The following SLC25A48 variants were observed in gnomAD, a reference collection of about 807,000 sequenced individuals.
SLC25A48 encodes the protein CTC-321K16.1.
SLC25A48 carries 29 observed loss-of-function variants against 32.2 expected under a neutral mutation model. The observed-to-expected ratio is 0.90, with a 90% CI of 0.67 to 1.23. The LOEUF (loss-of-function observed/expected upper bound fraction) is 1.23. Ranked by LOEUF, SLC25A48 falls within the 50% of genes most tolerant of loss-of-function variation. The pLI is 0.00. For missense variants in SLC25A48, 399 were observed against 422.7 expected, an observed-to-expected ratio of 0.94 and a Z score of 0.49; for synonymous variants, 164 against 172.3, an observed-to-expected ratio of 0.95 and a Z score of 0.38.
chr5:135,794,799 A>G (rs1490768751), intron 3 of SLC25A48, among the ~76,000 whole-genome samples: 3 of 151,664 alleles, frequency 2.0e-5, no homozygotes, highest in Non-Finnish European at 4.4e-5. Context: ...TGCAGGGGGT[A>G]GACACTCCCC....
At chr5:135,884,432 T>C (rs1762648830) in intron 7 of SLC25A48, among the ~76,000 whole-genome samples, 2 of 152,288 alleles carry the variant, frequency 1.3e-5, no homozygotes, top group South Asian at 4.2e-4. Flanking sequence ...CAAGTTACTG[T>C]TCAAGCTGCC....
intron 4 of SLC25A48, among the ~76,000 whole-genome samples, chr5:135,853,633 T>C (rs1760077060): frequency 6.6e-6 from 1 of 152,224 alleles, no homozygotes; most frequent in Non-Finnish European, 1.5e-5. Context: ...ATTCTAGTTC[T>C]CTTGCTTTCT....
At position 135,704,507 on chromosome 5, in the gene SLC25A48, G is replaced by C. The variant is rs575589793; in HGVS notation, c.-521+69551G>C. Among the ~76,000 whole-genome samples the C allele has an allele frequency of 5.3e-5, 8 of 152,358 alleles. No individual in the cohort carries two copies. The South Asian group carries it at 1.7e-3, about 32-fold the overall frequency. ...TCAGACTTGAGATTTCTGACTTCCA[G>C]ATCAGTGCTATTTGGCCAGTTACTT... On this transcript the variant is annotated intron_variant, in intron 3 of 10. Coordinates refer to the SLC25A48 transcript ENST00000646290.
intron 3 of SLC25A48, among the ~76,000 whole-genome samples, chr5:135,800,096 C>T (rs1177499733): frequency 6.6e-6 from 1 of 151,384 alleles, no homozygotes; most frequent in Non-Finnish European, 1.5e-5. Flanking sequence ...TTTCTAATAC[C>T]CAGGTGGAAA....
intron 7 of SLC25A48, 53 bp from the exon 8 acceptor site, chr5:135,887,979 T>G: frequency 2.0e-6 from 3 of 1,527,878 alleles, no homozygotes; most frequent in Non-Finnish European, 8.9e-7. Flanking sequence ...TTTTTCTGGT[T>G]TCTGTTCTTT....
intron 3 of SLC25A48, among the ~76,000 whole-genome samples, chr5:135,774,239 G>A (rs1756491476): frequency 6.6e-6 from 1 of 151,636 alleles, no homozygotes. Context: ...TCATATCCAG[G>A]GAGGAAGAAA....
At chr5:135,613,168 G>T (rs1005334990) in intron 1 of SLC25A48, among the ~76,000 whole-genome samples, 1 of 152,118 alleles carries the variant, frequency 6.6e-6, no homozygotes, top group Non-Finnish European at 1.5e-5. Context: ...TTTCCCTGGT[G>T]ATTAGTGATG....
At chr5:135,839,211 G>A (rs2126692965) in intron 1 of SLC25A48, among the ~76,000 whole-genome samples, 1 of 152,350 alleles carries the variant, frequency 6.6e-6, no homozygotes, top group South Asian at 2.1e-4. Context: ...ACTCCTGGGA[G>A]ACACTCATGC....
intron 3 of SLC25A48, among the ~76,000 whole-genome samples, chr5:135,660,457 A>T (rs1753371025): frequency 6.6e-6 from 1 of 152,170 alleles, no homozygotes; most frequent in Admixed American, 6.5e-5. Flanking sequence ...TAGTGTCCTA[A>T]GCCCTCTGCC....
chr5:135,789,295 G>C (rs541320429), intron 3 of SLC25A48, among the ~76,000 whole-genome samples: 2 of 88,428 alleles, frequency 2.3e-5, no homozygotes, highest in Non-Finnish European at 5.5e-5. Context: ...CATATGTTTC[G>C]TAATATCCAA....
At chr5:135,723,428 C>T (rs2126984976) in intron 3 of SLC25A48, among the ~76,000 whole-genome samples, 1 of 94,274 alleles carries the variant, frequency 1.1e-5, no homozygotes, top group African/African-American at 3.0e-5. Flanking sequence ...GGGAGGGGGA[C>T]AGCTCTAGGG....
intron 3 of SLC25A48, among the ~76,000 whole-genome samples, chr5:135,767,285 A>G (rs7378516): frequency 0.31 from 46,549 of 151,424 alleles, 7,306 homozygotes; most frequent in East Asian, 0.46. Flanking sequence ...AATGTCCAGA[A>G]GGCGAGAGGA....
intron 3 of SLC25A48, among the ~76,000 whole-genome samples, chr5:135,796,618 A>G (rs1757187527): frequency 6.8e-6 from 1 of 146,908 alleles, no homozygotes; most frequent in Admixed American, 7.0e-5. Flanking sequence ...GAAGTGTGTT[A>G]TGGTTCGTAA....
intron 4 of SLC25A48, chr5:135,827,171 G>A (rs1758081905): frequency 6.6e-6 from 1 of 152,156 alleles, no homozygotes; most frequent in African/African-American, 2.4e-5. Flanking sequence ...AAATCCTTTA[G>A]TGCCAGCCAC....
chr5:135,679,453 T>A (rs1340514711), intron 3 of SLC25A48, among the ~76,000 whole-genome samples: 1 of 152,160 alleles, frequency 6.6e-6, no homozygotes, highest in Non-Finnish European at 1.5e-5. Flanking sequence ...CAGCTGTACT[T>A]CAGCCCTGCT....
chr5:135,712,030 C>T (rs1381835266), intron 3 of SLC25A48, among the ~76,000 whole-genome samples: 8 of 152,082 alleles, frequency 5.3e-5, no homozygotes, highest in East Asian at 1.9e-4. Flanking sequence ...AAACTTCCCA[C>T]GTCTTTGTTG....
chr5:135,869,430 C>T (rs1003745293), intron 4 of SLC25A48, among the ~76,000 whole-genome samples: 1 of 152,168 alleles, frequency 6.6e-6, no homozygotes, highest in African/African-American at 2.4e-5. Flanking sequence ...GAAAACAGTA[C>T]AGGATTTTTG....
chr5:135,785,535 C>A (rs1269622794), intron 3 of SLC25A48, among the ~76,000 whole-genome samples: 2 of 148,436 alleles, frequency 1.3e-5, no homozygotes, highest in African/African-American at 5.0e-5. Context: ...ACCCCCTTGC[C>A]CCATGGATCG....
intron 3 of SLC25A48, among the ~76,000 whole-genome samples, chr5:135,699,550 A>G (rs1396412477): frequency 6.6e-6 from 1 of 152,252 alleles, no homozygotes; most frequent in Non-Finnish European, 1.5e-5. Flanking sequence ...TGATTGAAAA[A>G]GGGCACGAGG....
Sources: gnomAD v4.1 joint callset for allele counts (sites outside exome capture counted in the v4.1 genomes callset) on GRCh38, gnomAD v4.1.1 for gene constraint, MANE v1.5 for transcripts, NCBI Gene and HGNC (gene_info 2026-07-23, HGNC 2026-07-21) for gene names.